The following ANTXRL variants were observed in gnomAD, a reference collection of about 807,000 sequenced individuals.
The protein encoded by ANTXRL is anthrax toxin receptor-like.
Under a neutral mutation model 75.4 loss-of-function variants are expected in ANTXRL, and 63 were observed. That is an observed-to-expected ratio of 0.84 (90% CI 0.68 to 1.03). The LOEUF (loss-of-function observed/expected upper bound fraction) is 1.03. ANTXRL is among the 50% of genes least tolerant of loss of function. The probability of loss-of-function intolerance (pLI) is 0.00; values close to 1 mark genes in which losing one functional copy is unlikely to be tolerated. For missense variants in ANTXRL, 797 were observed against 789.4 expected, an observed-to-expected ratio of 1.01 and a Z score of -0.12; for synonymous variants, 335 against 291.3, an observed-to-expected ratio of 1.15 and a Z score of -1.53.
chr10:46,312,607 T>G lies in ANTXRL; in HGVS notation c.1330-629T>G, dbSNP rs539085416. 3.3e-3 allele frequency among the ~76,000 whole-genome samples: 476 copies of G among 144,438 alleles called. 2 individuals are homozygous for G. Among genetic ancestry groups the G allele is most frequent in the African/African-American group, 0.011 (446 of 39,274 alleles). The allele number at this position is 144,438 out of a possible 152,430, so 94.8% of individuals were successfully genotyped here. ...GCCAGGCCTGTCTCTCCTCAGAGTG[T>G]GGGGCACATGTCTCCAGGGGGAGGA... On this transcript the variant is annotated intron_variant, in intron 15 of 16. Coordinates refer to ENST00000620264, the MANE Select transcript of ANTXRL (RefSeq NM_001278688.3).
chr10:46,297,365 T>C (rs1554959092), intron 6 of ANTXRL, 37 bp downstream of exon 6: 4 of 1,535,966 alleles, frequency 2.6e-6, no homozygotes, highest in South Asian at 2.4e-5. Context: ...TTTTGCTCCA[T>C]GTATTTTGAT....
chr10:46,312,918 C>A (rs1181951058), intron 15 of ANTXRL, among the ~76,000 whole-genome samples: 2 of 152,146 alleles, frequency 1.3e-5, no homozygotes, highest in Non-Finnish European at 2.9e-5. Flanking sequence ...GCCCCCAGGC[C>A]TAACTCATGC....
chr10:46,302,864 C>T (rs1354585913), intron 10 of ANTXRL, 44 bp downstream of exon 10: 3 of 1,392,422 alleles, frequency 2.2e-6, no homozygotes, highest in Admixed American at 2.0e-5. Flanking sequence ...ATTTCCCACA[C>T]AATGCTGCCT....
At chr10:46,324,961 T>C (rs1404148959) in intron 16 of ANTXRL, among the ~76,000 whole-genome samples, 1 of 152,164 alleles carries the variant, frequency 6.6e-6, no homozygotes, top group African/African-American at 2.4e-5. Context: ...GGTTCAGATA[T>C]GGAAGCCTCT....
At chr10:46,324,036 C>T (rs1215600895) in intron 16 of ANTXRL, among the ~76,000 whole-genome samples, 2 of 152,152 alleles carry the variant, frequency 1.3e-5, no homozygotes, top group Non-Finnish European at 2.9e-5. Context: ...GCAGTCAGGT[C>T]ATGTCCCAAA....
At position 46,313,318 on chromosome 10, in the gene ANTXRL, T is replaced by C; in HGVS notation, c.1410+2T>C. 2 of 1,535,772 alleles carry C rather than the reference T, an allele frequency of 1.3e-6. No individual in the cohort carries two copies. The highest frequency in any genetic ancestry group is 1.7e-6 in the Non-Finnish European group (2 of 1,146,632). ...ATGTGTTGTCAGAGCAGGGACCAGG[T>C]GAGCTAGGGCACAGGGACACAGTTG... On this transcript the variant is annotated splice_donor_variant, in intron 16 of 16. Coordinates refer to ENST00000620264, the MANE Select transcript of ANTXRL (RefSeq NM_001278688.3). LOFTEE classifies it high-confidence loss of function.
chr10:46,329,634 A>G lies in ANTXRL; in HGVS notation c.1446A>G (p.Gln482=). 1.3e-6 allele frequency: 2 copies of G among 1,536,414 alleles called. No individual in the cohort carries two copies. The highest frequency in any genetic ancestry group is 1.4e-5 in the African/African-American group (1 of 73,094). Residue 482 remains glutamine (Q), a synonymous_variant, in exon 17 of 17, where the codon CAA becomes CAG. Coordinates refer to ENST00000620264, the MANE Select transcript of ANTXRL (RefSeq NM_001278688.3). ...TCAGCTTAGCCCTTGCACAGTCCCAATATGCACAGGCTCCCTGCTGCCCAA... is the reference window on the plus strand; with the variant it reads ...TCAGCTTAGCCCTTGCACAGTCCCAGTATGCACAGGCTCCCTGCTGCCCAA... The part of the protein sequence containing the change: ...RYLSLALAQS[Q]YAQAPCCPRI...
At chr10:46,309,017 C>G in intron 12 of ANTXRL, 96 bp from the exon 13 acceptor site, 1 of 1,507,236 alleles carries the variant, frequency 6.6e-7, no homozygotes, top group Non-Finnish European at 8.9e-7. Context: ...GCGGGGCCAG[C>G]TAGGGAGAGT....
Position 46,287,073 on chromosome 10 carries a change from G to A in ANTXRL, c.-190G>A. On this transcript the variant is annotated 5_prime_UTR_variant, in exon 1 of 17. Coordinates refer to ENST00000620264, the MANE Select transcript of ANTXRL (RefSeq NM_001278688.3). ...GGAAGCAAGTCTCCCAGAGCCAGCT[G>A]CTGACCCTAGTCCCTGCGATCTGGG... The A allele has an allele frequency of 1.4e-6, 1 of 712,610 alleles. No homozygotes were observed. The highest frequency in any genetic ancestry group is 2.0e-5 in the South Asian group (1 of 50,166). The allele number at this position is 712,610 out of a possible 1,614,324, so 44.1% of individuals were successfully genotyped here. A position where few individuals can be genotyped will look rare whatever the true frequency, so the allele number is the denominator to read the frequency against.
At chr10:46,319,262 T>A (rs574340786) in intron 16 of ANTXRL, among the ~76,000 whole-genome samples, 2 of 152,334 alleles carry the variant, frequency 1.3e-5, no homozygotes, top group South Asian at 2.1e-4. Flanking sequence ...TGCCACTCTC[T>A]GTCACCATCA....
chr10:46,329,764 G>T lies in ANTXRL; in HGVS notation c.1576G>T (p.Ala526Ser). The part of the protein sequence containing the change: ...HSRECLALKQ[A>S]RCSPNICLRH... ...CCGGGAGTGCCTCGCCCTCAAACAG[G>T]CTCGCTGCAGCCCAAACATCTGCCT... is the stretch of plus-strand genomic sequence containing the variant. The change falls in exon 17 of 17, where the codon GCT (alanine) becomes TCT (serine). Residue 526 changes from alanine (A) to serine (S), a missense_variant. Ala to Ser is a moderately conservative substitution (Grantham distance 99, BLOSUM62 1). Coordinates refer to ENST00000620264, the MANE Select transcript of ANTXRL (RefSeq NM_001278688.3). The T allele has an allele frequency of 6.5e-7, 1 of 1,532,378 alleles. No homozygotes were observed. The highest frequency in any genetic ancestry group is 8.7e-7 in the Non-Finnish European group (1 of 1,146,080). 94.9% of individuals were successfully genotyped at this position (1,532,378 alleles called of 1,614,324 possible).
intron 7 of ANTXRL, 58 bp from the exon 8 acceptor site, chr10:46,297,773 G>T (rs1837471112): frequency 7.0e-7 from 1 of 1,424,694 alleles, no homozygotes; most frequent in Non-Finnish European, 9.6e-7. Flanking sequence ...CCTGGGCCGG[G>T]GGTCTGCTGC....
chr10:46,329,854 T>C lies in ANTXRL; in HGVS notation c.1666T>C (p.Cys556Arg). 2 of 1,535,226 alleles carry C rather than the reference T, an allele frequency of 1.3e-6. No homozygotes were observed. The highest frequency in any genetic ancestry group is 2.4e-5 in the East Asian group (1 of 40,858). ...RKQAPCSPRI[C>R]LRHSPEYFSQ... ...ACAGGCTCCCTGCAGCCCAAGGATCTGCCTGAGACACAGCCCGGAGTACTT... is the reference window on the plus strand; with the variant it reads ...ACAGGCTCCCTGCAGCCCAAGGATCCGCCTGAGACACAGCCCGGAGTACTT... The change falls in exon 17 of 17, where the codon TGC becomes CGC. Residue 556 changes from cysteine to arginine, a missense_variant. Transcript: ENST00000620264.
chr10:46,313,842 T>G (rs1838572362), intron 16 of ANTXRL, among the ~76,000 whole-genome samples: 1 of 152,124 alleles, frequency 6.6e-6, no homozygotes, highest in South Asian at 2.1e-4. Flanking sequence ...TGCTGAGATA[T>G]TAAGTAGCAT....
At chr10:46,292,180 C>T in intron 2 of ANTXRL, 51 bp downstream of exon 2, 1 of 1,519,654 alleles carries the variant, frequency 6.6e-7, no homozygotes, top group Non-Finnish European at 8.8e-7. Flanking sequence ...AGCTTTTCTT[C>T]TGGAAGGCAG....
rs537239024 is a variant in ANTXRL at position 46,293,411 on chromosome 10, TGTGTGTGG to T, written c.321-410_321-403del. Among the ~76,000 whole-genome samples, 21 of 148,634 alleles carry T rather than the reference TGTGTGTGG, an allele frequency of 1.4e-4. No homozygotes were observed. In the South Asian group the frequency reaches 4.3e-3, roughly 31 times the overall value. ...GTGCCTGTGTGTGTGAGTGTGTGCC[TGTGTGTGG>T]GTGTGTGCGTGTATGGGTGCATGTG... On this transcript the variant is annotated intron_variant, in intron 2 of 16. Coordinates refer to ENST00000620264, the MANE Select transcript of ANTXRL (RefSeq NM_001278688.3).
chr10:46,314,200 G>C (rs1284953426), intron 16 of ANTXRL, among the ~76,000 whole-genome samples: 2 of 152,268 alleles, frequency 1.3e-5, no homozygotes, highest in African/African-American at 4.8e-5. Context: ...GATAAGAAAT[G>C]GGCCGGGAGC....
At chr10:46,311,078 C>A (rs543922843) in intron 14 of ANTXRL, among the ~76,000 whole-genome samples, 1 of 152,170 alleles carries the variant, frequency 6.6e-6, no homozygotes, top group African/African-American at 2.4e-5. Flanking sequence ...GGGGACCCAC[C>A]CCAGGGGCCA....
At chr10:46,321,032 G>C (rs183477701) in intron 16 of ANTXRL, among the ~76,000 whole-genome samples, 1 of 152,176 alleles carries the variant, frequency 6.6e-6, no homozygotes, top group Non-Finnish European at 1.5e-5. Context: ...TCTAGCAAGT[G>C]CAGGAAAGAA....
Sources: gnomAD v4.1 joint callset for allele counts (sites outside exome capture counted in the v4.1 genomes callset) on GRCh38, gnomAD v4.1.1 for gene constraint, MANE v1.5 for transcripts, NCBI Gene and HGNC (gene_info 2026-07-23, HGNC 2026-07-21) for gene names.